Variants in ARMH3 observed in about 807,000 individuals in gnomAD.
ARMH3 encodes armadillo like helical domain containing 3.
Under a neutral mutation model 99.1 loss-of-function variants are expected in ARMH3, and 60 were observed. The observed-to-expected ratio is 0.61, with a 90% CI of 0.49 to 0.75. The LOEUF is 0.75. ARMH3 is among the 30% of genes least tolerant of loss of function. The pLI is 0.00. For synonymous variants in ARMH3, 285 were observed against 292.8 expected, an observed-to-expected ratio of 0.97 and a Z score of 0.27; for missense variants, 679 against 843.1, an observed-to-expected ratio of 0.81 and a Z score of 2.41.
At chr10:101,851,669 G>A (rs1050339711) in intron 24 of ARMH3, among the ~76,000 whole-genome samples, 2 of 152,210 alleles carry the variant, frequency 1.3e-5, no homozygotes, top group African/African-American at 2.4e-5. Context: ...AATTCCTGAG[G>A]AGAGAGAAGG....
intron 25 of ARMH3, among the ~76,000 whole-genome samples, chr10:101,848,428 A>C (rs768537532): frequency 1.3e-5 from 2 of 152,194 alleles, no homozygotes; most frequent in Non-Finnish European, 2.9e-5. Context: ...GGAATCTGGC[A>C]GACTCTTCAA....
At chr10:102,025,326 AGGG>A in intron 5 of ARMH3, 78 bp from the exon 6 acceptor site, 3 of 1,142,600 alleles carry the variant, frequency 2.6e-6, no homozygotes, top group Non-Finnish European at 3.9e-6. Context: ...TATGTTATAC[AGGG>A]TAATGTGAAT....
Position 101,973,404 on chromosome 10 carries a change from C to CAAAAAT in ARMH3, c.1495+1802_1495+1807dup, listed in dbSNP as rs1266359219. 2.7e-5 allele frequency among the ~76,000 whole-genome samples: 4 copies of CAAAAAT among 147,066 alleles called. No homozygotes were observed. The South Asian group carries it at 8.8e-4, about 33-fold the overall frequency. ...GAAAAAAGATAATCGCTTGTTTAAG[C>CAAAAAT]AAAAATGAGGGCAATGTATTCTAGA... On this transcript the variant is annotated intron_variant, in intron 20 of 25. Coordinates refer to ENST00000370033, the MANE Select transcript of ARMH3 (RefSeq NM_024541.3).
intron 25 of ARMH3, among the ~76,000 whole-genome samples, chr10:101,849,079 G>A (rs1159014372): frequency 6.6e-6 from 1 of 152,236 alleles, no homozygotes; most frequent in African/African-American, 2.4e-5. Context: ...AGCCCCAGCA[G>A]AGGGAGGTCT....
At chr10:101,938,947 G>C (rs544770201) in intron 23 of ARMH3, among the ~76,000 whole-genome samples, 1 of 152,238 alleles carries the variant, frequency 6.6e-6, no homozygotes, top group East Asian at 1.9e-4. Context: ...GTGCCAAACA[G>C]GGTAGTAAAT....
intron 23 of ARMH3, among the ~76,000 whole-genome samples, chr10:101,905,813 CA>C (rs2068088048): frequency 6.6e-6 from 1 of 152,032 alleles, no homozygotes; most frequent in Admixed American, 6.5e-5. Context: ...CAAAAAGGTG[CA>C]AAAAAGAATA....
Position 102,023,762 on chromosome 10 carries a change from A to G in ARMH3, c.508-13T>C, listed in dbSNP as rs781554299. 1 of 1,612,498 alleles carries G rather than the reference A, an allele frequency of 6.2e-7. No homozygotes were observed. The highest frequency in any genetic ancestry group is 1.7e-5 in the Admixed American group (1 of 60,012). ...TGTTATCTGTCACCTGAATGTAATA[A>G]AAGGCTTTTTAAAGTCTGTTCTGAG... On this transcript the variant is annotated splice_polypyrimidine_tract_variant and intron_variant, in intron 6 of 25. Coordinates refer to ENST00000370033, the MANE Select transcript of ARMH3 (RefSeq NM_024541.3).
At chr10:101,900,220 C>T (rs970481021) in intron 23 of ARMH3, among the ~76,000 whole-genome samples, 6 of 152,200 alleles carry the variant, frequency 3.9e-5, no homozygotes, top group Non-Finnish European at 8.8e-5. Context: ...GGCAGAGTTC[C>T]TGGGGCTACA....
chr10:102,029,603 G>A (rs761153935), intron 5 of ARMH3, 35 bp downstream of exon 5: 1 of 1,614,218 alleles, frequency 6.2e-7, no homozygotes, highest in South Asian at 1.1e-5. Flanking sequence ...GTCAGAAGCT[G>A]CCATCCACAG....
chr10:102,019,567 T>G (rs2066828806), intron 8 of ARMH3, among the ~76,000 whole-genome samples: 1 of 152,126 alleles, frequency 6.6e-6, no homozygotes, highest in Non-Finnish European at 1.5e-5. Context: ...GGACCCTGTA[T>G]AGGCCTATGC....
intron 24 of ARMH3, among the ~76,000 whole-genome samples, chr10:101,850,460 T>C (rs1471460321): frequency 6.6e-6 from 1 of 151,262 alleles, no homozygotes; most frequent in Admixed American, 6.6e-5. Context: ...AGTCTCACTC[T>C]GTCGCCCAGG....
intron 15 of ARMH3, among the ~76,000 whole-genome samples, chr10:102,001,398 T>A (rs1291805342): frequency 1.3e-5 from 2 of 152,160 alleles, no homozygotes; most frequent in Non-Finnish European, 2.9e-5. Context: ...TAAAAGGCCA[T>A]GGCAAAATCA....
rs759172972 is a variant in ARMH3 at position 102,012,864 on chromosome 10, C to G, written c.739G>C (p.Val247Leu). 6.2e-7 allele frequency: 1 copy of G among 1,610,160 alleles called. No homozygotes were observed. The highest frequency in any genetic ancestry group is 1.3e-5 in the African/African-American group (1 of 74,862). Residue 247 changes from valine (V) to leucine (L), a missense_variant, in exon 10 of 26, where the codon GTA (valine) becomes CTA (leucine). Transcript: ENST00000370033. ...TACTCAGATAAAGCCTGAGCAATTACAAGTCCCATTCCCTAGAAGGGAAAA... is the reference window on the plus strand; with the variant it reads ...TACTCAGATAAAGCCTGAGCAATTAGAAGTCCCATTCCCTAGAAGGGAAAA... ...DEATLNGMGL[V>L]IAQALSEYNR...
chr10:102,000,124 TAAC>T (rs2066319316), intron 15 of ARMH3, among the ~76,000 whole-genome samples: 1 of 152,008 alleles, frequency 6.6e-6, no homozygotes. Flanking sequence ...TCAGCCAAAA[TAAC>T]AACAACAACA....
chr10:101,863,313 T>G (rs1589923895), intron 24 of ARMH3, among the ~76,000 whole-genome samples: 1 of 152,140 alleles, frequency 6.6e-6, no homozygotes, highest in East Asian at 1.9e-4. Context: ...AGAGCAAAAT[T>G]TTGTAATGAT....
chr10:101,908,624 A>C (rs1590000445), intron 23 of ARMH3, among the ~76,000 whole-genome samples: 1 of 152,048 alleles, frequency 6.6e-6, no homozygotes, highest in African/African-American at 2.4e-5. Context: ...AGAACTGCTA[A>C]TTAAAGTAAA....
chr10:101,872,516 G>A (rs992838772), intron 24 of ARMH3, among the ~76,000 whole-genome samples: 1 of 152,070 alleles, frequency 6.6e-6, no homozygotes, highest in Non-Finnish European at 1.5e-5. Context: ...GACCAATATG[G>A]TGAAAACCCG....
intron 22 of ARMH3, among the ~76,000 whole-genome samples, chr10:101,949,296 G>A (rs1230189409): frequency 6.6e-6 from 1 of 151,364 alleles, no homozygotes; most frequent in African/African-American, 2.4e-5. Flanking sequence ...CCAAAAGCTG[G>A]TTCTCTGAGG....
intron 23 of ARMH3, among the ~76,000 whole-genome samples, chr10:101,932,448 G>C (rs1843760261): frequency 6.6e-6 from 1 of 152,202 alleles, no homozygotes; most frequent in Admixed American, 6.5e-5. Flanking sequence ...GAGTCTCAAA[G>C]AGATTTACAT....
Sources: gnomAD v4.1 joint callset for allele counts (sites outside exome capture counted in the v4.1 genomes callset) on GRCh38, gnomAD v4.1.1 for gene constraint, MANE v1.5 for transcripts, NCBI Gene and HGNC (gene_info 2026-07-23, HGNC 2026-07-21) for gene names.